Variants in ITPR2 observed in about 807,000 individuals in gnomAD.
ITPR2 encodes the protein inositol 1,4,5-trisphosphate receptor type 2, also known as inositol 1,4,5-trisphosphate-gated calcium channel ITPR2.
Under a neutral mutation model 317.1 loss-of-function variants are expected in ITPR2, and 207 were observed. That is an observed-to-expected ratio of 0.65 (90% CI 0.58 to 0.73). The LOEUF is 0.73. ITPR2 is among the 30% of genes least tolerant of loss of function. The pLI, the probability that ITPR2 is intolerant of heterozygous loss-of-function variation, is 0.00. For missense variants in ITPR2, 2,613 were observed against 3,284.0 expected, an observed-to-expected ratio of 0.80 and a Z score of 4.99; for synonymous variants, 1,156 against 1,149.1, an observed-to-expected ratio of 1.01 and a Z score of -0.12.
At chr12:26,510,795 A>T (rs904341136) in intron 37 of ITPR2, among the ~76,000 whole-genome samples, 2 of 152,238 alleles carry the variant, frequency 1.3e-5, no homozygotes, top group Non-Finnish European at 2.9e-5. Context: ...TAGCAAACTA[A>T]CACCTAGCTT....
chr12:26,682,551 A>C (rs1218755088), intron 12 of ITPR2, 23 bp downstream of exon 12: 1 of 1,472,170 alleles, frequency 6.8e-7, no homozygotes, highest in East Asian at 2.3e-5. Flanking sequence ...GCTGAAAATT[A>C]AACCATCTTC....
At chr12:26,496,521 C>G (rs1942934606) in intron 37 of ITPR2, among the ~76,000 whole-genome samples, 1 of 152,202 alleles carries the variant, frequency 6.6e-6, no homozygotes, top group South Asian at 2.1e-4. Flanking sequence ...CAGCCTGAAC[C>G]TTGCTTTCCT....
At chr12:26,757,852 G>C (rs919999374) in intron 2 of ITPR2, among the ~76,000 whole-genome samples, 1 of 152,224 alleles carries the variant, frequency 6.6e-6, no homozygotes, top group Non-Finnish European at 1.5e-5. Context: ...TACTGTGATA[G>C]TGCTTTAGGC....
At position 26,656,424 on chromosome 12, in the gene ITPR2, C is replaced by T. The variant is rs754044630; in HGVS notation, c.2317G>A (p.Asp773Asn). 1.2e-6 allele frequency: 2 copies of T among 1,614,084 alleles called. No homozygotes were observed. Among genetic ancestry groups the T allele is most frequent in the South Asian group, 1.1e-5 (1 of 91,088 alleles). ...AGGCGACAGAAGGACGCTCGGAGGT[C>T]GAACGGCAGGCTCTCATCCGACACA... ...RCVSDESLPF[D>N]LRASFCRLML... is the part of the protein sequence containing the mutation. Residue 773 changes from aspartate (D) to asparagine (N), a missense_variant, in exon 19 of 57, where the codon GAC becomes AAC. This residue lies in a region of ITPR2 where 817 missense variants were observed against 897.6 expected (regional missense o/e 0.91). Transcript: ENST00000381340.
intron 34 of ITPR2, among the ~76,000 whole-genome samples, chr12:26,569,217 T>C (rs191087186): frequency 6.6e-6 from 1 of 152,020 alleles, no homozygotes; most frequent in Admixed American, 6.6e-5. Context: ...TTTAAAAATA[T>C]TGCATGCCAA....
At position 26,669,738 on chromosome 12, in the gene ITPR2, T is replaced by G. The variant is rs529756460; in HGVS notation, c.1410-3687A>C. ...GCGCACCATGCGCGAGCCGAAGCAGTGCGAGGCATTGCCTCACTCAGGAAG... is the reference window on the plus strand; with the variant it reads ...GCGCACCATGCGCGAGCCGAAGCAGGGCGAGGCATTGCCTCACTCAGGAAG... On this transcript the variant is annotated intron_variant, in intron 13 of 56. Transcript: ENST00000381340. 1.3e-3 allele frequency among the ~76,000 whole-genome samples: 195 copies of G among 152,354 alleles called. 1 individual carries two copies. Among genetic ancestry groups the G allele is most frequent in the Middle Eastern group, 3.4e-3 (1 of 294 alleles).
At chr12:26,636,307 C>T (rs757573580) in intron 21 of ITPR2, among the ~76,000 whole-genome samples, 2 of 152,190 alleles carry the variant, frequency 1.3e-5, no homozygotes, top group Non-Finnish European at 2.9e-5. Flanking sequence ...ATGGCATTAA[C>T]ACTGTCTCAT....
chr12:26,673,908 A>G, intron 13 of ITPR2, among the ~76,000 whole-genome samples: 3 of 96,096 alleles, frequency 3.1e-5, no homozygotes, highest in Non-Finnish European at 6.4e-5. Context: ...ATAACAGACA[A>G]ACAGAGAGCC....
At chr12:26,819,832 C>T (rs1307187943) in intron 1 of ITPR2, among the ~76,000 whole-genome samples, 1 of 151,674 alleles carries the variant, frequency 6.6e-6, no homozygotes, top group Non-Finnish European at 1.5e-5. Flanking sequence ...TTTGGGAGGC[C>T]GAGGCAGGCG....
chr12:26,390,557 G>C (rs1939801309), intron 54 of ITPR2, among the ~76,000 whole-genome samples: 1 of 152,144 alleles, frequency 6.6e-6, no homozygotes, highest in African/African-American at 2.4e-5. Context: ...CAAATCCACA[G>C]AGGCAAAAAG....
At chr12:26,551,967 A>T (rs955277255) in intron 36 of ITPR2, among the ~76,000 whole-genome samples, 3 of 152,200 alleles carry the variant, frequency 2.0e-5, no homozygotes, top group African/African-American at 7.2e-5. Flanking sequence ...GCCTCTTCCC[A>T]TTGTGAGAAA....
chr12:26,660,695 T>G (rs1427823306), intron 15 of ITPR2, among the ~76,000 whole-genome samples: 1 of 152,198 alleles, frequency 6.6e-6, no homozygotes, highest in East Asian at 1.9e-4. Context: ...TGTTATTATA[T>G]CATTTTAAGG....
intron 47 of ITPR2, among the ~76,000 whole-genome samples, chr12:26,438,833 T>C (rs1592024424): frequency 6.6e-6 from 1 of 152,218 alleles, no homozygotes; most frequent in Non-Finnish European, 1.5e-5. Context: ...CCTGTGGCTG[T>C]TCAACATTTG....
chr12:26,461,115 G>A (rs75978621), intron 45 of ITPR2, among the ~76,000 whole-genome samples: 1,531 of 152,190 alleles, frequency 0.01, 30 homozygotes, highest in African/African-American at 0.035. Context: ...AAGAACCTCT[G>A]GAGTGTTCTT....
intron 1 of ITPR2, among the ~76,000 whole-genome samples, chr12:26,802,590 T>TATATAGATATAGATATAGATATATATAG (rs1398287878): frequency 4.1e-4 from 4 of 9,724 alleles, no homozygotes; most frequent in East Asian, 6.6e-3. Flanking sequence ...GATATATCTA[T>TATATAGATATAGATATAGATATATATAG]ATATAGATAT....
At chr12:26,675,927 G>A (rs911643787) in intron 13 of ITPR2, among the ~76,000 whole-genome samples, 1 of 152,184 alleles carries the variant, frequency 6.6e-6, no homozygotes, top group Non-Finnish European at 1.5e-5. Context: ...GGAGGCAGAG[G>A]CGGGCAGATC....
chr12:26,630,449 A>G (rs1330809384), intron 22 of ITPR2, among the ~76,000 whole-genome samples: 1 of 151,514 alleles, frequency 6.6e-6, no homozygotes, highest in Non-Finnish European at 1.5e-5. Context: ...TGGGGGGGAA[A>G]AAAAAAAAGA....
intron 13 of ITPR2, among the ~76,000 whole-genome samples, chr12:26,667,965 A>G (rs79909799): frequency 0.014 from 2,179 of 152,310 alleles, 53 homozygotes; most frequent in African/African-American, 0.049. Flanking sequence ...TGACAAGGCC[A>G]TGGAAGCCAG....
At chr12:26,637,682 C>G (rs911722094) in intron 21 of ITPR2, among the ~76,000 whole-genome samples, 2 of 152,168 alleles carry the variant, frequency 1.3e-5, no homozygotes, top group Admixed American at 6.6e-5. Context: ...TTTCGCTACA[C>G]CTCTGAAAAA....
Sources: gnomAD v4.1 joint callset for allele counts (sites outside exome capture counted in the v4.1 genomes callset) on GRCh38, gnomAD v4.1.1 for gene constraint, gnomAD v4.1.1 regional missense constraint, MANE v1.5 for transcripts, NCBI Gene and HGNC (gene_info 2026-07-23, HGNC 2026-07-21) for gene names.